BCOR: variants seen among roughly 807,000 people sequenced by gnomAD.
BCOR encodes BCL-6 corepressor.
A neutral mutation model predicts 86.7 loss-of-function variants in BCOR; 10 were observed. The ratio of observed to expected loss-of-function variants is 0.12; its 90% confidence interval spans 0.07 to 0.20. The LOEUF is 0.20. BCOR is among the 10% of genes least tolerant of loss of function. The pLI, the probability that BCOR is intolerant of heterozygous loss-of-function variation, is 1.00. For synonymous variants in BCOR, 611 were observed against 609.0 expected, an observed-to-expected ratio of 1.00 and a Z score of -0.05; for missense variants, 1,259 against 1,452.1, an observed-to-expected ratio of 0.87 and a Z score of 2.16.
At chrX:40,124,733 G>A (rs1937521448) in intron 1 of BCOR, among the ~76,000 whole-genome samples, 1 of 109,791 alleles carries the variant, frequency 9.1e-6, no homozygotes, top group African/African-American at 3.3e-5. Context: ...CTCCCGAGTC[G>A]CTGGGACTAC....
At chrX:40,108,329 C>CT (rs1378278148) in intron 1 of BCOR, among the ~76,000 whole-genome samples, 1 of 113,331 alleles carries the variant, frequency 8.8e-6, no homozygotes, top group African/African-American at 3.2e-5. Flanking sequence ...CCCCCGCTCT[C>CT]TTGGCCTACT....
intron 1 of BCOR, among the ~76,000 whole-genome samples, chrX:40,094,325 C>A: frequency 2.7e-5 from 3 of 112,707 alleles, no homozygotes; most frequent in Middle Eastern, 9.1e-3. Context: ...CCAACAACAC[C>A]CGCGAGAGCG....
intron 7 of BCOR, 24 bp downstream of exon 7, chrX:40,064,312 G>T (rs765273275): frequency 8.3e-7 from 1 of 1,211,998 alleles, no homozygotes; most frequent in Non-Finnish European, 1.1e-6. Flanking sequence ...CCCCCGGCAG[G>T]CGGGCGAAGC....
At chrX:40,155,158 G>A (rs1938263070) in intron 1 of BCOR, among the ~76,000 whole-genome samples, 2 of 112,565 alleles carry the variant, frequency 1.8e-5, no homozygotes, top group African/African-American at 3.2e-5. Context: ...ATTGTCCTCC[G>A]CTCCGCTCAG....
intron 1 of BCOR, among the ~76,000 whole-genome samples, chrX:40,080,440 A>T (rs1275509496): frequency 9.0e-6 from 1 of 110,597 alleles, no homozygotes; most frequent in Non-Finnish European, 1.9e-5. Context: ...AAACTCAAAA[A>T]ACAAACAAAC....
In BCOR at chrX:40,077,771, C is replaced by T; in HGVS notation, c.86+73G>A. 7.1e-6 allele frequency: 7 copies of T among 991,617 alleles called. No individual in the cohort carries two copies. The South Asian group carries it at 7.7e-5, about 11-fold the overall frequency. 81.7% of individuals were successfully genotyped at this position (991,617 alleles called of 1,213,427 possible). On this transcript the variant is annotated intron_variant, in intron 2 of 14. Transcript: ENST00000378444. ...CCCACCCCTTTTGGGCCCACGGTGG[C>T]TGTGAGAAGTTGAGGGGGGCTTCAG...
In BCOR at chrX:40,107,108, AGT is replaced by A. The variant is rs1937204186; in HGVS notation, c.-40-29141_-40-29140del. ...CGGTGAAGAAGGGGAGGGAAGAGAA[AGT>A]GTTTCTTTCGTGCGTGTGGTTTTTA... On this transcript the variant is annotated intron_variant, in intron 1 of 14. Transcript: ENST00000342274. Among the ~76,000 whole-genome samples the A allele has an allele frequency of 3.6e-5, 4 of 112,430 alleles. No individual in the cohort carries two copies. The South Asian group carries it at 1.5e-3, about 41-fold the overall frequency.
At chrX:40,173,937 C>A (rs1305539981) in intron 1 of BCOR, among the ~76,000 whole-genome samples, 1 of 113,054 alleles carries the variant, frequency 8.8e-6, no homozygotes, top group African/African-American at 3.2e-5. Context: ...TGCACAGATG[C>A]AAATACCACT....
intron 1 of BCOR, among the ~76,000 whole-genome samples, chrX:40,147,632 A>G (rs1293792637): frequency 8.8e-6 from 1 of 113,236 alleles, no homozygotes; most frequent in Non-Finnish European, 1.9e-5. Flanking sequence ...CGACCCGCCG[A>G]CCTAGGAGAC....
At chrX:40,176,803 C>G (rs1249531959) in intron 1 of BCOR, among the ~76,000 whole-genome samples, 1 of 111,606 alleles carries the variant, frequency 9.0e-6, no homozygotes, top group Non-Finnish European at 1.9e-5. Flanking sequence ...CTTGTCCCAG[C>G]CCGGCTCCCC....
At chrX:40,152,803 G>A (rs932384036) in intron 1 of BCOR, among the ~76,000 whole-genome samples, 2 of 112,684 alleles carry the variant, frequency 1.8e-5, no homozygotes, top group East Asian at 5.6e-4. Flanking sequence ...TTAGGCGGCT[G>A]CCCCCGGGGA....
chrX:40,071,789 G>T, intron 4 of BCOR, 99 bp from the exon 5 acceptor site: 1 of 584,065 alleles, frequency 1.7e-6, no homozygotes, highest in Non-Finnish European at 2.9e-6. Flanking sequence ...AAAACAATTT[G>T]GCTTTATTCA....
At chrX:40,157,788 C>A (rs1213351860) in intron 1 of BCOR, among the ~76,000 whole-genome samples, 1 of 112,224 alleles carries the variant, frequency 8.9e-6, no homozygotes, top group Non-Finnish European at 1.9e-5. Flanking sequence ...TAAATTGGAC[C>A]TCAGGTTTTG....
chrX:40,070,466 G>A (rs902974321), intron 6 of BCOR, among the ~76,000 whole-genome samples: 2 of 111,669 alleles, frequency 1.8e-5, no homozygotes, highest in African/African-American at 3.3e-5. Context: ...CCCTCTGTCC[G>A]GTGGGAAGAG....
chrX:40,082,362 A>T (rs892327648), intron 1 of BCOR, among the ~76,000 whole-genome samples: 1 of 110,609 alleles, frequency 9.0e-6, no homozygotes, highest in African/African-American at 3.3e-5. Context: ...ATGGCCACCA[A>T]ACTAACTCTG....
chrX:40,124,101 G>A (rs1463621894), intron 1 of BCOR, among the ~76,000 whole-genome samples: 1 of 110,684 alleles, frequency 9.0e-6, no homozygotes, highest in Non-Finnish European at 1.9e-5. Flanking sequence ...AGAACTCAGG[G>A]GAATATGGTG....
chrX:40,052,649 C>G (rs1467854539), intron 14 of BCOR, among the ~76,000 whole-genome samples: 2 of 102,903 alleles, frequency 1.9e-5, no homozygotes, highest in East Asian at 6.2e-4. Flanking sequence ...ACTGCAAGTT[C>G]CACCTCCCAG....
At chrX:40,078,659 C>T (rs1935930401) in intron 1 of BCOR, among the ~76,000 whole-genome samples, 1 of 112,199 alleles carries the variant, frequency 8.9e-6, no homozygotes, top group South Asian at 3.7e-4. Context: ...AATTCAATGA[C>T]GCCTGCTCAC....
At chrX:40,066,579 T>A (rs1167954455) in intron 6 of BCOR, among the ~76,000 whole-genome samples, 5 of 111,546 alleles carry the variant, frequency 4.5e-5, no homozygotes, top group Non-Finnish European at 9.4e-5. Context: ...CTGATATTTA[T>A]GAAAGTTTAA....
Sources: gnomAD v4.1 joint callset for allele counts (sites outside exome capture counted in the v4.1 genomes callset) on GRCh38, gnomAD v4.1.1 for gene constraint, MANE v1.5 for transcripts, NCBI Gene and HGNC (gene_info 2026-07-23, HGNC 2026-07-21) for gene names.